RPTOR: variants seen among roughly 807,000 people sequenced by gnomAD.
RPTOR encodes the protein regulatory-associated protein of mTOR.
RPTOR carries 21 observed loss-of-function variants against 169.9 expected under a neutral mutation model. The ratio of observed to expected loss-of-function variants is 0.12; its 90% CI spans 0.09 to 0.18. RPTOR has a LOEUF of 0.18. Ranked by LOEUF, RPTOR falls within the 10% of genes least tolerant of loss-of-function variation. The pLI is 1.00. For synonymous variants in RPTOR, 732 were observed against 753.2 expected (o/e 0.97, Z 0.46); for missense variants, 1,133 against 1,855.9 (o/e 0.61, Z 7.16).
chr17:80,933,967 G>A (rs1598409804), intron 24 of RPTOR, among the ~76,000 whole-genome samples: 1 of 151,854 alleles, frequency 6.6e-6, no homozygotes, highest in African/African-American at 2.4e-5. Flanking sequence ...TTTGAGATGG[G>A]GTCTCATTCT....
At chr17:80,759,511 G>A (rs963865448) in intron 6 of RPTOR, among the ~76,000 whole-genome samples, 4 of 152,114 alleles carry the variant, frequency 2.6e-5, no homozygotes, top group African/African-American at 7.2e-5. Flanking sequence ...CTCAGGTGGC[G>A]GCTCTTTTAC....
chr17:80,882,963 G>C (rs2068202219), intron 14 of RPTOR, among the ~76,000 whole-genome samples: 1 of 152,228 alleles, frequency 6.6e-6, no homozygotes, highest in African/African-American at 2.4e-5. Context: ...GGAAAGGACA[G>C]AATGAAAATG....
chr17:80,800,918 A>G (rs1420341568), intron 7 of RPTOR, among the ~76,000 whole-genome samples: 3 of 152,202 alleles, frequency 2.0e-5, no homozygotes, highest in Admixed American at 6.5e-5. Context: ...CTAACAATCC[A>G]TTGTCGTGAA....
chr17:80,716,264 C>T (rs1180692616), intron 4 of RPTOR, among the ~76,000 whole-genome samples: 1 of 152,178 alleles, frequency 6.6e-6, no homozygotes, highest in African/African-American at 2.4e-5. Flanking sequence ...GCCATTCTTG[C>T]AGAGGTAAGG....
intron 2 of RPTOR, among the ~76,000 whole-genome samples, chr17:80,629,533 A>C (rs940384031): frequency 1.3e-5 from 2 of 149,674 alleles, no homozygotes; most frequent in Non-Finnish European, 3.0e-5. Context: ...TCTGGGACTC[A>C]GCTCTCTATG....
rs1598349522 is a variant in RPTOR, at chr17:80,845,913, C to G, written c.1213-560C>G. ...TGCCCTGGACGTTGCTCCCTGGCGT[C>G]CAGACCTTTGAGCTCTGCTTTCCCT... On this transcript the variant is annotated intron_variant, in intron 10 of 33. Transcript: ENST00000306801. This position sits in a 1 kb window ranked among gnomAD's most constrained non-coding sequence, Gnocchi z 5.4. Among the ~76,000 whole-genome samples the G allele has an allele frequency of 6.6e-6, 1 of 152,196 alleles. No homozygotes were observed. Among genetic ancestry groups the G allele is most frequent in the Non-Finnish European group, 1.5e-5 (1 of 68,034 alleles).
chr17:80,896,315 C>G (rs1030109402), intron 20 of RPTOR, among the ~76,000 whole-genome samples: 1 of 151,378 alleles, frequency 6.6e-6, no homozygotes, highest in African/African-American at 2.4e-5. Flanking sequence ...GGGCTCCATT[C>G]TTAGCAGCAC....
chr17:80,670,371 A>G (rs1339972375), intron 3 of RPTOR, among the ~76,000 whole-genome samples: 1 of 152,100 alleles, frequency 6.6e-6, no homozygotes, highest in Non-Finnish European at 1.5e-5. Context: ...CTTTATACTT[A>G]AGCCTCACTG....
At chr17:80,598,873 C>A (rs909663960) in intron 1 of RPTOR, among the ~76,000 whole-genome samples, 1 of 136,282 alleles carries the variant, frequency 7.3e-6, no homozygotes. Flanking sequence ...CTTAAACTTT[C>A]TTGATTCTTT....
At chr17:80,782,383 A>T (rs1050142856) in intron 6 of RPTOR, among the ~76,000 whole-genome samples, 1 of 151,940 alleles carries the variant, frequency 6.6e-6, no homozygotes, top group African/African-American at 2.4e-5. Flanking sequence ...CACTTTATTT[A>T]TTTATTTTTT....
chr17:80,874,746 A>C lies in RPTOR; in HGVS notation c.1510-5669A>C, dbSNP rs116554590. Among the ~76,000 whole-genome samples the C allele has an allele frequency of 2.5e-3, 385 of 152,192 alleles. 1 individual carries two copies. Among genetic ancestry groups the C allele is most frequent in the African/African-American group, 8.9e-3 (369 of 41,504 alleles). On this transcript the variant is annotated intron_variant, in intron 13 of 33. Coordinates refer to ENST00000306801, the MANE Select transcript of RPTOR (RefSeq NM_020761.3). The stretch of plus-strand genomic sequence containing the variant: ...CCATTGTGAAAACGCTGCACATATC[A>C]ACATCTCAGCACAGCCCTCCATCTG...
At chr17:80,849,407 C>T (rs921757886) in intron 11 of RPTOR, among the ~76,000 whole-genome samples, 3 of 152,306 alleles carry the variant, frequency 2.0e-5, no homozygotes, top group Non-Finnish European at 2.9e-5. Context: ...ACAGGCCCTT[C>T]CTGCTTTCCA....
chr17:80,904,047 C>T (rs554488949), intron 20 of RPTOR, among the ~76,000 whole-genome samples: 1 of 152,368 alleles, frequency 6.6e-6, no homozygotes, highest in Admixed American at 6.5e-5. Flanking sequence ...ACTGAATATG[C>T]TGAGAAAACG....
At chr17:80,935,187 T>C (rs1368198976) in intron 24 of RPTOR, among the ~76,000 whole-genome samples, 1 of 152,136 alleles carries the variant, frequency 6.6e-6, no homozygotes, top group African/African-American at 2.4e-5. Flanking sequence ...CTGAAAAATA[T>C]AAAACACTGA....
intron 11 of RPTOR, among the ~76,000 whole-genome samples, chr17:80,849,867 G>T (rs1031953422): frequency 3.9e-5 from 6 of 152,198 alleles, no homozygotes; most frequent in Non-Finnish European, 8.8e-5. Context: ...GGCCTGTGGG[G>T]TGCGTTTGCC....
chr17:80,615,683 A>G (rs1341419171), intron 1 of RPTOR, among the ~76,000 whole-genome samples: 3 of 152,038 alleles, frequency 2.0e-5, no homozygotes, highest in African/African-American at 4.8e-5. Flanking sequence ...TCCTTGTCCC[A>G]TTCCACTCTT....
Position 80,721,124 on chromosome 17 carries a change from C to T in RPTOR, c.508-9436C>T, listed in dbSNP as rs2066282530. On this transcript the variant is annotated intron_variant, in intron 4 of 33. Transcript: ENST00000306801. This position sits in a 1 kb window ranked among gnomAD's most constrained non-coding sequence, Gnocchi z 4.7. Reference sequence around the variant, plus strand: ...GTCTCCAAGCAGGAGTGAGAACCAGCTAGACAAGGGGAGGCCTGGGAGTGC... The same window carrying T: ...GTCTCCAAGCAGGAGTGAGAACCAGTTAGACAAGGGGAGGCCTGGGAGTGC... Among the ~76,000 whole-genome samples the T allele has an allele frequency of 1.3e-5, 2 of 150,848 alleles. No homozygotes were observed. Among genetic ancestry groups the T allele is most frequent in the Non-Finnish European group, 2.9e-5 (2 of 67,994 alleles).
At chr17:80,555,985 C>T (rs2084402650) in intron 1 of RPTOR, among the ~76,000 whole-genome samples, 1 of 150,310 alleles carries the variant, frequency 6.7e-6, no homozygotes, top group South Asian at 2.1e-4. Flanking sequence ...GTAATTCCAG[C>T]ACTTCGGGAG....
intron 14 of RPTOR, among the ~76,000 whole-genome samples, 200 bp from the exon 15 acceptor site, chr17:80,883,219 G>A (rs573086059): frequency 6.6e-6 from 1 of 152,300 alleles, no homozygotes; most frequent in East Asian, 1.9e-4. Flanking sequence ...TCCGGGAGGC[G>A]AGCCTGGAGC....
Sources: allele counts gnomAD v4.1 joint callset (sites outside exome capture counted in the v4.1 genomes callset), GRCh38; gene constraint gnomAD v4.1.1; non-coding constraint Gnocchi (gnomAD v3.1); transcripts MANE v1.5; gene names NCBI Gene and HGNC (gene_info 2026-07-23, HGNC 2026-07-21).